MYH7B: variants seen among roughly 807,000 people sequenced by gnomAD.
MYH7B encodes the protein myosin heavy chain 7B.
A neutral mutation model predicts 234.5 loss-of-function variants in MYH7B; 205 were observed. That is an observed-to-expected ratio of 0.87 (90% CI 0.78 to 0.98). The LOEUF is 0.98. Among genes scored for constraint, MYH7B ranks in the 50% least tolerant of loss-of-function variants. The pLI, the probability that MYH7B is intolerant of heterozygous loss-of-function variation, is 0.00. For missense variants in MYH7B, 2,652 were observed against 2,633.4 expected, an observed-to-expected ratio of 1.01 and a Z score of -0.15; for synonymous variants, 1,193 against 1,105.0, an observed-to-expected ratio of 1.08 and a Z score of -1.58.
chr20:34,979,838 G>A, intron 7 of MYH7B, 34 bp downstream of exon 7: 1 of 1,604,608 alleles, frequency 6.2e-7, no homozygotes, highest in Non-Finnish European at 8.5e-7. Flanking sequence ...GGCGGGGTGG[G>A]GCTTGTATGT....
chr20:34,962,577 A>G (rs373107277), intron 2 of MYH7B, among the ~76,000 whole-genome samples: 12 of 152,170 alleles, frequency 7.9e-5, no homozygotes, highest in African/African-American at 2.2e-4. Flanking sequence ...CATATAAACT[A>G]TATGCATCCT....
exon 17 of MYH7B, chr20:34,987,615 T>G: frequency 6.2e-7 from 1 of 1,614,090 alleles, no homozygotes; most frequent in South Asian, 1.1e-5. Flanking sequence ...TCAAAGGCCT[T>G]TTGCACCCCC....
chr20:34,974,925 T>C (rs1600413962), intron 2 of MYH7B, among the ~76,000 whole-genome samples: 1 of 152,150 alleles, frequency 6.6e-6, no homozygotes, highest in South Asian at 2.1e-4. Flanking sequence ...GTAGGCAAGG[T>C]ACAATCTAAG....
At chr20:34,977,545 AT>A (rs2081873320) in intron 3 of MYH7B, 86 bp from the exon 4 acceptor site, 1 of 1,285,026 alleles carries the variant, frequency 7.8e-7, no homozygotes, top group Non-Finnish European at 1.1e-6. Flanking sequence ...ATAAAAGGGA[AT>A]TTGCCTTTTG....
In MYH7B at chr20:35,001,512, C is replaced by T; in HGVS notation, c.5662C>T (p.Gln1888Ter). Residue 1888 changes from glutamine (Q) to a stop codon, truncating the protein, a stop_gained, in exon 43 of 45, where the codon CAG becomes TAG. Coordinates refer to ENST00000262873, the Ensembl canonical transcript of MYH7B. LOFTEE classifies it high-confidence loss of function. ...GAGCAAGGTCAAGAGCTACAAGCGC[C>T]AGTTTGAGGAGGCGGTGAGTGCGCT... 1 of 1,608,944 alleles carries T rather than the reference C, an allele frequency of 6.2e-7. No individual in the cohort carries two copies. The highest frequency in any genetic ancestry group is 8.5e-7 in the Non-Finnish European group (1 of 1,177,770).
chr20:34,988,153 A>G (rs1216228153), exon 19 of MYH7B: 5 of 1,613,994 alleles, frequency 3.1e-6, no homozygotes, highest in Non-Finnish European at 4.2e-6. Context: ...CAGTTCTTCA[A>G]CCAGCACATG....
At chr20:34,997,494 C>A in exon 32 of MYH7B, 1 of 1,563,740 alleles carries the variant, frequency 6.4e-7, no homozygotes, top group South Asian at 1.2e-5. Context: ...GGCACTGCGG[C>A]GCAAGCAGGC....
chr20:34,957,736 C>T (rs910034236), intron 1 of MYH7B, among the ~76,000 whole-genome samples: 1 of 152,102 alleles, frequency 6.6e-6, no homozygotes, highest in South Asian at 2.1e-4. Context: ...GTGATCCACC[C>T]GCCCCAGCCT....
chr20:35,001,685 CCTT>C (rs2082388774), intron 43 of MYH7B, 159 bp downstream of exon 43: 1 of 799,146 alleles, frequency 1.3e-6, no homozygotes. Flanking sequence ...AGACCTAGCT[CCTT>C]CTCATGGAAC....
At chr20:34,979,788 C>T in exon 7 of MYH7B, 2 of 1,613,856 alleles carry the variant, frequency 1.2e-6, no homozygotes, top group East Asian at 2.2e-5. Flanking sequence ...CAGCGCTATG[C>T]CCGCTGGATG....
exon 6 of MYH7B, chr20:34,979,455 G>T: frequency 6.2e-7 from 1 of 1,613,978 alleles, no homozygotes; most frequent in Non-Finnish European, 8.5e-7. Flanking sequence ...CAAGTCGGAG[G>T]CTACCGGGGG....
At chr20:34,983,425 T>A (rs2425006) in intron 10 of MYH7B, among the ~76,000 whole-genome samples, 7 of 151,406 alleles carry the variant, frequency 4.6e-5, no homozygotes, top group African/African-American at 1.7e-4. Flanking sequence ...CTCCTTCCCT[T>A]TCCTGCCCTG....
chr20:34,979,630 C>A, intron 6 of MYH7B, 31 bp from the exon 7 acceptor site: 1 of 1,613,042 alleles, frequency 6.2e-7, no homozygotes. Context: ...TCCTCCCGGT[C>A]CCCCGGCCCC....
exon 3 of MYH7B, chr20:34,975,463 C>T (rs549906080): frequency 5.9e-5 from 42 of 709,400 alleles, no homozygotes; most frequent in South Asian, 5.4e-4. Context: ...GATGTGTCCG[C>T]CTGGGCCTCC....
intron 2 of MYH7B, among the ~76,000 whole-genome samples, chr20:34,968,583 C>T (rs2081764243): frequency 6.6e-6 from 1 of 152,214 alleles, no homozygotes; most frequent in Non-Finnish European, 1.5e-5. Flanking sequence ...TTACACTCGG[C>T]TAAGCCTTGT....
chr20:34,972,400 C>T (rs2081801390), intron 2 of MYH7B, among the ~76,000 whole-genome samples: 1 of 152,060 alleles, frequency 6.6e-6, no homozygotes, highest in South Asian at 2.1e-4. Context: ...TCTCTGGTCT[C>T]ACCTTCAGTA....
At chr20:35,001,550 C>A in intron 43 of MYH7B, 24 bp downstream of exon 43, 2 of 1,576,328 alleles carry the variant, frequency 1.3e-6, no homozygotes, top group Non-Finnish European at 1.7e-6. Context: ...GGCCTGGACA[C>A]CTGGACCGGG....
exon 15 of MYH7B, chr20:34,986,887 C>T (rs1330638148): frequency 6.2e-6 from 10 of 1,613,386 alleles, no homozygotes; most frequent in East Asian, 2.2e-5. Context: ...TGTCCCCAGA[C>T]ATGCTGCTTC....
intron 14 of MYH7B, 24 bp from the exon 15 acceptor site, chr20:34,986,862 C>A: frequency 3.1e-6 from 5 of 1,593,168 alleles, no homozygotes; most frequent in Non-Finnish European, 3.4e-6. Flanking sequence ...GCCTGACCCT[C>A]CCTTCTCTGC....
Sources: gnomAD v4.1 joint callset for allele counts (sites outside exome capture counted in the v4.1 genomes callset) on GRCh38, gnomAD v4.1.1 for gene constraint, MANE v1.5 for transcripts, NCBI Gene and HGNC (gene_info 2026-07-23, HGNC 2026-07-21) for gene names.